The following CLEC10A variants were observed in gnomAD, a reference collection of about 807,000 sequenced individuals.
The protein encoded by CLEC10A is C-type lectin domain family 10 member A.
A neutral mutation model predicts 42.0 loss-of-function variants in CLEC10A; 38 were observed. That is an observed-to-expected ratio of 0.90 (90% CI 0.70 to 1.18). The LOEUF is 1.18. Ranked by LOEUF, CLEC10A falls within the 50% of genes most tolerant of loss-of-function variation. The pLI, the probability that CLEC10A is intolerant of heterozygous loss-of-function variation, is 0.00. For missense variants in CLEC10A, 298 were observed against 345.9 expected, an observed-to-expected ratio of 0.86 and a Z score of 1.10; for synonymous variants, 126 against 139.9, an observed-to-expected ratio of 0.90 and a Z score of 0.70.
chr17:7,078,539 C>T (rs1273637692), intron 2 of CLEC10A: 1 of 594,322 alleles, frequency 1.7e-6, no homozygotes, highest in African/African-American at 1.9e-5. Flanking sequence ...CACAGAGCAT[C>T]AGAAGCTGGG....
Position 7,078,883 on chromosome 17 carries a change from G to T in CLEC10A, c.-71C>A. 1 of 1,459,472 alleles carries T rather than the reference G, an allele frequency of 6.9e-7. No homozygotes were observed. The highest frequency in any genetic ancestry group is 9.6e-7 in the Non-Finnish European group (1 of 1,039,176). The allele number at this position is 1,459,472 out of a possible 1,614,324, so 90.4% of individuals were successfully genotyped here. A position where few individuals can be genotyped will look rare whatever the true frequency, so the allele number is the denominator to read the frequency against. Reference sequence around the variant, plus strand: ...CAGGGCCGGCGCCCAGTCTGGGGTGGAGCTGGGGAATAGGAGGTTGGGACT... The same window carrying T: ...CAGGGCCGGCGCCCAGTCTGGGGTGTAGCTGGGGAATAGGAGGTTGGGACT... On this transcript the variant is annotated splice_region_variant and 5_prime_UTR_variant, in exon 2 of 9. Transcript: ENST00000416562.
At position 7,074,985 on chromosome 17, in the gene CLEC10A, G is replaced by T; in HGVS notation, c.*69C>A. ...TATTTCTCTCCCAGAGCGGTCTTGC[G>T]AGGAGGTCGTGAGAAGAGTCCTCCT... On this transcript the variant is annotated 3_prime_UTR_variant, in exon 9 of 9. Coordinates refer to ENST00000416562, the MANE Select transcript of CLEC10A (RefSeq NM_001330070.2). The T allele has an allele frequency of 7.5e-7, 1 of 1,339,354 alleles. No homozygotes were observed. Among genetic ancestry groups the T allele is most frequent in the Non-Finnish European group, 9.9e-7 (1 of 1,011,784 alleles). The allele number at this position is 1,339,354 out of a possible 1,614,324, so 83.0% of individuals were successfully genotyped here. A position where few individuals can be genotyped will look rare whatever the true frequency, so the allele number is the denominator to read the frequency against.
chr17:7,075,648 G>C, intron 7 of CLEC10A, 83 bp downstream of exon 7: 1 of 1,598,334 alleles, frequency 6.3e-7, no homozygotes, highest in Non-Finnish European at 8.6e-7. Flanking sequence ...GAAGCTCCCA[G>C]ATGATTCCAA....
At position 7,075,198 on chromosome 17, in the gene CLEC10A, G is replaced by A. The variant is rs112204401; in HGVS notation, c.726C>T (p.Asp242=). 1,002 of 1,557,136 alleles carry A rather than the reference G, an allele frequency of 6.4e-4. 1 individual carries two copies. The highest frequency in any genetic ancestry group is 8.2e-4 in the Non-Finnish European group (952 of 1,155,128). Residue 242 remains aspartate (D), a synonymous_variant, in exon 9 of 9, where the codon GAC becomes GAT. Coordinates refer to ENST00000416562, the MANE Select transcript of CLEC10A (RefSeq NM_001330070.2). ...CACCCAGCCCGTGCCCCTGCCAGTC[G>A]TCTGGCTGGCCTGGCTTCCAGTTCC... The part of the protein sequence containing the change: ...GFQNWKPGQP[D]DWQGHGLGGG...
At chr17:7,078,246 T>C (rs553103274) in intron 2 of CLEC10A, 133 bp from the exon 3 acceptor site, 1 of 635,440 alleles carries the variant, frequency 1.6e-6, no homozygotes, top group African/African-American at 1.9e-5. Flanking sequence ...CAAGGAGGAT[T>C]TTGGGGTGGG....
intron 5 of CLEC10A, 113 bp from the exon 6 acceptor site, chr17:7,076,184 C>A (rs1242128722): frequency 7.5e-7 from 1 of 1,335,736 alleles, no homozygotes; most frequent in South Asian, 1.2e-5. Context: ...AATGTTCCTT[C>A]CCGCCCCCAC....
In CLEC10A at chr17:7,077,088, G is replaced by A. The variant is rs572618912; in HGVS notation, c.185-101C>T. The A allele has an allele frequency of 1.4e-5, 11 of 807,262 alleles. No individual in the cohort carries two copies. The East Asian group carries it at 1.7e-4, about 13-fold the overall frequency. 50.0% of individuals were successfully genotyped at this position (807,262 alleles called of 1,614,324 possible). A position where few individuals can be genotyped will look rare whatever the true frequency, so the allele number is the denominator to read the frequency against. On this transcript the variant is annotated intron_variant, in intron 3 of 8. Coordinates refer to ENST00000416562, the MANE Select transcript of CLEC10A (RefSeq NM_001330070.2). ...AAGCATTGCCTTATTGGGTCCTCACGGCAACCCAGTGGGGCAGGCACTATT... is the reference window on the plus strand; with the variant it reads ...AAGCATTGCCTTATTGGGTCCTCACAGCAACCCAGTGGGGCAGGCACTATT...
In CLEC10A at chr17:7,077,872, C is replaced by G; in HGVS notation, c.184+125G>C. ...GTTATCTCCACAGCTGCCCCCAACACTGTGCCCTGCATTGCTCCTACTGTG... is the reference window on the plus strand; with the variant it reads ...GTTATCTCCACAGCTGCCCCCAACAGTGTGCCCTGCATTGCTCCTACTGTG... On this transcript the variant is annotated intron_variant, in intron 3 of 8. Transcript: ENST00000416562. 4 of 740,954 alleles carry G rather than the reference C, an allele frequency of 5.4e-6. No individual in the cohort carries two copies. In the Admixed American group the frequency reaches 7.7e-5, roughly 14 times the overall value. 45.9% of individuals were successfully genotyped at this position (740,954 alleles called of 1,614,324 possible).
chr17:7,075,195 G>C lies in CLEC10A; in HGVS notation c.729C>G (p.Asp243Glu). 6.4e-7 allele frequency: 1 copy of C among 1,561,688 alleles called. No homozygotes were observed. Among genetic ancestry groups the C allele is most frequent in the African/African-American group, 1.4e-5 (1 of 72,706 alleles). Residue 243 changes from aspartate (D) to glutamate (E), a missense_variant, in exon 9 of 9, where the codon GAC becomes GAG. By Grantham distance (45) the Asp-to-Glu change is conservative. Around this residue, in one of 3 missense-constraint regions of CLEC10A, gnomAD observed 267 missense variants for 289.5 expected, o/e 0.92. Transcript: ENST00000416562. ...CTCCACCCAGCCCGTGCCCCTGCCA[G>C]TCGTCTGGCTGGCCTGGCTTCCAGT... ...FQNWKPGQPD[D>E]WQGHGLGGGE...
chr17:7,078,846 C>A lies in CLEC10A; in HGVS notation c.-34G>T. 2 of 1,610,510 alleles carry A rather than the reference C, an allele frequency of 1.2e-6. No individual in the cohort carries two copies. Among genetic ancestry groups the A allele is most frequent in the East Asian group, 4.5e-5 (2 of 44,848 alleles). ...CAACACGGCTCTGAGGTTGTCACAG[C>A]TGAAATGGAGGCAGGGCCGGCGCCC... On this transcript the variant is annotated 5_prime_UTR_variant, in exon 2 of 9. Transcript: ENST00000416562.
rs924418589 is a variant in CLEC10A, at chr17:7,075,423, C to G, written c.638G>C (p.Gly213Ala). The change falls in exon 8 of 9, where the codon GGC (glycine) becomes GCC (alanine). Residue 213 changes from glycine to alanine, a missense_variant. Gly to Ala is a moderately conservative substitution (Grantham distance 60). This residue lies in a region of CLEC10A where 267 missense variants were observed against 289.5 expected (regional missense o/e 0.92). Coordinates refer to ENST00000416562, the MANE Select transcript of CLEC10A (RefSeq NM_001330070.2). ...CCAGGCTCCTTCAGGGTCACTGAGG[C>G]CCATCCAGGTGTATGCGGAGCCTAG... ...KYLGSAYTWM[G>A]LSDPEGAWKW... 2 of 1,524,416 alleles carry G rather than the reference C, an allele frequency of 1.3e-6. No homozygotes were observed. The highest frequency in any genetic ancestry group is 1.8e-6 in the Non-Finnish European group (2 of 1,139,632). The allele number at this position is 1,524,416 out of a possible 1,614,324, so 94.4% of individuals were successfully genotyped here.
rs1911666604 is a variant in CLEC10A at position 7,075,430 on chromosome 17, A to C, written c.631T>G (p.Trp211Gly). Residue 211 changes from tryptophan to glycine, a missense_variant, in exon 8 of 9, where the codon TGG becomes GGG. By Grantham distance (184) the Trp-to-Gly change is radical. Around this residue, in one of 3 missense-constraint regions of CLEC10A, gnomAD observed 267 missense variants for 289.5 expected, o/e 0.92. Transcript: ENST00000416562. ...CCTTCAGGGTCACTGAGGCCCATCC[A>C]GGTGTATGCGGAGCCTAGATATTTC... is the stretch of plus-strand genomic sequence containing the variant. ...VQKYLGSAYT[W>G]MGLSDPEGAW... The C allele has an allele frequency of 6.5e-7, 1 of 1,527,104 alleles. No individual in the cohort carries two copies. The highest frequency in any genetic ancestry group is 8.8e-7 in the Non-Finnish European group (1 of 1,140,914). 94.6% of individuals were successfully genotyped at this position (1,527,104 alleles called of 1,614,324 possible). A position where few individuals can be genotyped will look rare whatever the true frequency, so the allele number is the denominator to read the frequency against.
At chr17:7,079,435 T>C (rs1358722364) in intron 1 of CLEC10A, among the ~76,000 whole-genome samples, 1 of 151,844 alleles carries the variant, frequency 6.6e-6, no homozygotes, top group Non-Finnish European at 1.5e-5. Context: ...ATACAAAAAT[T>C]AGCTGGGTGT....
chr17:7,077,071 C>G (rs1303247550), intron 3 of CLEC10A, 84 bp from the exon 4 acceptor site: 1 of 951,060 alleles, frequency 1.1e-6, no homozygotes, highest in East Asian at 2.4e-5. Context: ...ATAAGCATTG[C>G]CTTATTGGGT....
chr17:7,077,079 G>C, intron 3 of CLEC10A, 92 bp from the exon 4 acceptor site: 5 of 865,128 alleles, frequency 5.8e-6, no homozygotes, highest in Non-Finnish European at 2.0e-6. Context: ...TGCCTTATTG[G>C]GTCCTCACGG....
At position 7,075,726 on chromosome 17, in the gene CLEC10A, C is replaced by T; in HGVS notation, c.594+5G>A. 1 of 1,614,176 alleles carries T rather than the reference C, an allele frequency of 6.2e-7. No homozygotes were observed. Among genetic ancestry groups the T allele is most frequent in the Non-Finnish European group, 8.5e-7 (1 of 1,180,042 alleles). ...TCTTAGGAACTGAGTACCAGAAGCC[C>T]TCACCTGCTCCTCCCTGGAGTTGAT... On this transcript the variant is annotated splice_donor_5th_base_variant and intron_variant, in intron 7 of 8. Transcript: ENST00000416562.
chr17:7,075,290 G>A (rs1911656710), intron 8 of CLEC10A, 68 bp from the exon 9 acceptor site: 5 of 1,507,376 alleles, frequency 3.3e-6, no homozygotes, highest in East Asian at 2.3e-5. Context: ...GGGGAGGAGA[G>A]GCTGCCAGTC....
In CLEC10A at chr17:7,078,012, C is replaced by T. The variant is rs147504959; in HGVS notation, c.169G>A (p.Val57Met). ...TGACCCTCACTTTGGAATCCAACCA[C>T]ACAGATGATGACCAGCAGCAGGAGG... ...LGLLLLVIIC[V>M]VGFQNSKFQR... is the part of the protein sequence containing the mutation. Residue 57 changes from valine (V) to methionine (M), a missense_variant, in exon 3 of 9, where the codon GTG becomes ATG. This residue lies in a region of CLEC10A where 267 missense variants were observed against 289.5 expected (regional missense o/e 0.92). Transcript: ENST00000416562. 1,338 of 1,613,220 alleles carry T rather than the reference C, an allele frequency of 8.3e-4. 24 individuals are homozygous for T. The East Asian group carries it at 0.019, about 23-fold the overall frequency.
At chr17:7,078,629 T>C in intron 2 of CLEC10A, 117 bp downstream of exon 2, 1 of 966,984 alleles carries the variant, frequency 1.0e-6, no homozygotes, top group Non-Finnish European at 1.7e-6. Flanking sequence ...GGCTGGGGCC[T>C]GACCTCCTCA....
Sources: allele counts gnomAD v4.1 joint callset (sites outside exome capture counted in the v4.1 genomes callset), GRCh38; gene constraint gnomAD v4.1.1; regional missense constraint gnomAD v4.1.1; transcripts MANE v1.5; gene names NCBI Gene and HGNC (gene_info 2026-07-23, HGNC 2026-07-21).